DIP2A: variants seen among roughly 807,000 people sequenced by gnomAD.
DIP2A encodes the protein disco-interacting protein 2 homolog A.
DIP2A carries 85 observed loss-of-function variants against 177.4 expected under a neutral mutation model. That is an observed-to-expected ratio of 0.48 (90% CI 0.40 to 0.57). The LOEUF is 0.57. Ranked by LOEUF, DIP2A falls within the 20% of genes least tolerant of loss-of-function variation. DIP2A has a pLI of 0.00. For missense variants in DIP2A, 1,791 were observed against 2,100.2 expected, an observed-to-expected ratio of 0.85 and a Z score of 2.88; for synonymous variants, 886 against 881.8, an observed-to-expected ratio of 1.00 and a Z score of -0.08.
intron 1 of DIP2A, among the ~76,000 whole-genome samples, chr21:46,462,319 A>G (rs796323537): frequency 7.9e-5 from 12 of 152,264 alleles, no homozygotes; most frequent in African/African-American, 2.9e-4. Flanking sequence ...GCTTACTGGT[A>G]AGGACTTTGT....
At chr21:46,497,525 CTA>C (rs2057423181) in intron 4 of DIP2A, among the ~76,000 whole-genome samples, 1 of 152,172 alleles carries the variant, frequency 6.6e-6, no homozygotes, top group Non-Finnish European at 1.5e-5. Context: ...CAGTATAAGA[CTA>C]TTTGGAAAGT....
intron 2 of DIP2A, among the ~76,000 whole-genome samples, chr21:46,486,122 G>A (rs1049300056): frequency 6.1e-5 from 9 of 147,312 alleles, no homozygotes; most frequent in South Asian, 2.2e-4. Context: ...AGAATGTACC[G>A]AGCAGTGCTG....
chr21:46,579,138 T>A, the DIP2A span, among the ~76,000 whole-genome samples: 1 of 152,186 alleles, frequency 6.6e-6, no homozygotes, highest in African/African-American at 2.4e-5. Context: ...TTTCAGGACT[T>A]ATTATTGGTT....
At chr21:46,462,547 A>G (rs541847904) in intron 1 of DIP2A, 1 of 152,352 alleles carries the variant, frequency 6.6e-6, no homozygotes, top group Admixed American at 6.5e-5. Flanking sequence ...TTATATAATT[A>G]AAGGGAGATA....
intron 17 of DIP2A, 146 bp downstream of exon 17, chr21:46,540,137 C>T (rs1046637194): frequency 4.7e-5 from 31 of 658,114 alleles, no homozygotes; most frequent in African/African-American, 3.3e-4. Context: ...CACATTTTGC[C>T]GGCTTGGGTT....
At chr21:46,562,017 A>G in intron 34 of DIP2A, 1 of 796,526 alleles carries the variant, frequency 1.3e-6, no homozygotes, top group Non-Finnish European at 1.5e-6. Context: ...ATCTGAGCTC[A>G]AAGCCAAGAA....
chr21:46,538,523 T>A lies in DIP2A; in HGVS notation c.1842T>A (p.Ser614=). 1 of 1,558,556 alleles carries A rather than the reference T, an allele frequency of 6.4e-7. No homozygotes were observed. The highest frequency in any genetic ancestry group is 1.7e-4 in the Middle Eastern group (1 of 6,006). ...TGAAGTCGCGAGACATGCACTGGTCTCTCCTAGCTCAGCGGGGCCAGAGGG... is the reference window on the plus strand; with the variant it reads ...TGAAGTCGCGAGACATGCACTGGTCACTCCTAGCTCAGCGGGGCCAGAGGG... The part of the protein sequence containing the change: ...ALVKSRDMHW[S]LLAQRGQRDV... Residue 614 remains serine, a synonymous_variant, in exon 16 of 38, where the codon TCT becomes TCA. Coordinates refer to ENST00000417564, the MANE Select transcript of DIP2A (RefSeq NM_015151.4).
chr21:46,476,542 A>G (rs1309213148), intron 1 of DIP2A, among the ~76,000 whole-genome samples: 1 of 152,150 alleles, frequency 6.6e-6, no homozygotes, highest in Non-Finnish European at 1.5e-5. Context: ...GCCATCAGAC[A>G]GGGTAGTAAG....
chr21:46,518,144 A>G (rs575231422), intron 8 of DIP2A, among the ~76,000 whole-genome samples: 37 of 152,334 alleles, frequency 2.4e-4, no homozygotes, highest in African/African-American at 8.4e-4. Context: ...AATTTACTTA[A>G]GCATTATGCT....
chr21:46,477,883 A>G (rs558893666), intron 1 of DIP2A, among the ~76,000 whole-genome samples: 1 of 152,100 alleles, frequency 6.6e-6, no homozygotes, highest in South Asian at 2.1e-4. Context: ...ACGCCCGGCC[A>G]TCTTTCACAT....
At chr21:46,463,680 T>TTTTGTGTGTGTGTGTGTGTG (rs1555858071) in intron 1 of DIP2A, among the ~76,000 whole-genome samples, 2 of 130,960 alleles carry the variant, frequency 1.5e-5, no homozygotes, top group East Asian at 2.1e-4. Flanking sequence ...TGGGATATAT[T>TTTTGTGTGTGTGTGTGTGTG]TGTGTGTGTG....
At chr21:46,546,660 G>C (rs749380725) in intron 20 of DIP2A, among the ~76,000 whole-genome samples, 1 of 152,076 alleles carries the variant, frequency 6.6e-6, no homozygotes, top group African/African-American at 2.4e-5. Flanking sequence ...CACATAGCCT[G>C]CCCCTTTCCC....
intron 1 of DIP2A, among the ~76,000 whole-genome samples, chr21:46,481,860 G>A (rs2056364079): frequency 1.3e-5 from 2 of 152,150 alleles, no homozygotes; most frequent in Admixed American, 1.3e-4. Context: ...AGACCAGCCT[G>A]GCTAACATGG....
chr21:46,467,062 C>T (rs1172847344), intron 1 of DIP2A, among the ~76,000 whole-genome samples: 2 of 151,624 alleles, frequency 1.3e-5, no homozygotes, highest in Non-Finnish European at 2.9e-5. Flanking sequence ...TTTGGGAAGT[C>T]GAGGCGGGCG....
At position 46,558,478 on chromosome 21, in the gene DIP2A, G is replaced by T. The variant is rs1480640553; in HGVS notation, c.3969+85G>T. ...TTCCCAGTTGTTAATGTGCCGTTTT[G>T]TAGCCGCCTGATCTATTTCTCCTTC... On this transcript the variant is annotated intron_variant, in intron 32 of 37. Transcript: ENST00000417564. The T allele has an allele frequency of 5.2e-6, 7 of 1,356,934 alleles. No homozygotes were observed. In the Admixed American group the frequency reaches 5.9e-5, roughly 12 times the overall value. The allele number at this position is 1,356,934 out of a possible 1,614,324, so 84.1% of individuals were successfully genotyped here. A position where few individuals can be genotyped will look rare whatever the true frequency, so the allele number is the denominator to read the frequency against.
rs765284817 is a variant in DIP2A at position 46,539,971 on chromosome 21, G to A, written c.2016G>A (p.Ala672=). 28 of 1,613,834 alleles carry A rather than the reference G, an allele frequency of 1.7e-5. No homozygotes were observed. Among genetic ancestry groups the A allele is most frequent in the Admixed American group, 3.3e-5 (2 of 60,012 alleles). The part of the protein sequence containing the change: ...VICPCASSPE[A]LTVAIRRPPD... ...GTCCTTGTGCAAGTTCTCCTGAGGCGCTGACTGTCGCCATCCGCAGGTAAC... is the reference window on the plus strand; with the variant it reads ...GTCCTTGTGCAAGTTCTCCTGAGGCACTGACTGTCGCCATCCGCAGGTAAC... Residue 672 remains alanine, a synonymous_variant, in exon 17 of 38, where the codon GCG becomes GCA. Transcript: ENST00000417564.
the DIP2A span, among the ~76,000 whole-genome samples, chr21:46,575,893 CTCAT>C: frequency 6.6e-6 from 1 of 152,284 alleles, no homozygotes; most frequent in South Asian, 2.1e-4. Context: ...GAAAGACTAA[CTCAT>C]TCTAAAATTG....
chr21:46,551,148 G>A (rs547250407), intron 23 of DIP2A, among the ~76,000 whole-genome samples: 3 of 152,230 alleles, frequency 2.0e-5, no homozygotes, highest in Admixed American at 6.5e-5. Flanking sequence ...CTCAGCAAAC[G>A]GCCAACTTGC....
intron 5 of DIP2A, among the ~76,000 whole-genome samples, chr21:46,502,985 A>G (rs2057737843): frequency 6.6e-6 from 1 of 152,208 alleles, no homozygotes; most frequent in South Asian, 2.1e-4. Context: ...CATATGTTCC[A>G]GATCTAATGT....
Sources: gnomAD v4.1 joint callset for allele counts (sites outside exome capture counted in the v4.1 genomes callset) on GRCh38, gnomAD v4.1.1 for gene constraint, MANE v1.5 for transcripts, NCBI Gene and HGNC (gene_info 2026-07-23, HGNC 2026-07-21) for gene names.